The following SH3PXD2B variants were observed in gnomAD, a reference collection of about 807,000 sequenced individuals.
The protein encoded by SH3PXD2B is SH3 and PX domain-containing protein 2B.
A neutral mutation model predicts 73.1 loss-of-function variants in SH3PXD2B; 37 were observed. That is an observed-to-expected ratio of 0.51 (90% CI 0.39 to 0.67). SH3PXD2B has a LOEUF of 0.67. SH3PXD2B is among the 30% of genes least tolerant of loss of function. The pLI, the probability that SH3PXD2B is intolerant of heterozygous loss-of-function variation, is 0.00. For synonymous variants in SH3PXD2B, 457 were observed against 480.5 expected (o/e 0.95, Z 0.64); for missense variants, 1,053 against 1,197.8 (o/e 0.88, Z 1.78).
At chr5:172,427,933 T>C (rs1469952158) in intron 1 of SH3PXD2B, among the ~76,000 whole-genome samples, 1 of 151,914 alleles carries the variant, frequency 6.6e-6, no homozygotes, top group East Asian at 1.9e-4. Flanking sequence ...CCTGCCACCA[T>C]GCTCGGCTAA....
In SH3PXD2B at chr5:172,422,402, C is replaced by T. The variant is rs1306584424; in HGVS notation, c.156+14G>A. 1.9e-6 allele frequency: 3 copies of T among 1,601,676 alleles called. No individual in the cohort carries two copies. Among genetic ancestry groups the T allele is most frequent in the Non-Finnish European group, 2.6e-6 (3 of 1,174,356 alleles). On this transcript the variant is annotated intron_variant, in intron 2 of 12. Coordinates refer to ENST00000311601, the MANE Select transcript of SH3PXD2B (RefSeq NM_001017995.3). ...TTCCGATCCTGCAGCTCACCAGAGA[C>T]CTCAAATCCTTACCTGGAGGTCAAA...
Position 172,400,188 on chromosome 5 carries a change from A to G in SH3PXD2B, c.233-5549T>C, listed in dbSNP as rs188497837. ...AAGGGGGAGTACTGGGAGATACCCC[A>G]TACTTTCAATATAAACCTGAGGAAA... is the stretch of plus-strand genomic sequence containing the variant. On this transcript the variant is annotated intron_variant, in intron 3 of 12. Coordinates refer to ENST00000311601, the MANE Select transcript of SH3PXD2B (RefSeq NM_001017995.3). Among the ~76,000 whole-genome samples, 509 of 152,266 alleles carry G rather than the reference A, an allele frequency of 3.3e-3. 1 individual carries two copies. Among genetic ancestry groups the G allele is most frequent in the African/African-American group, 0.011 (476 of 41,554 alleles).
At chr5:172,341,632 A>C (rs1287524783) in intron 12 of SH3PXD2B, among the ~76,000 whole-genome samples, 1 of 152,090 alleles carries the variant, frequency 6.6e-6, no homozygotes, top group East Asian at 1.9e-4. Context: ...TTCTTTATAA[A>C]TTACCCAGTC....
At chr5:172,327,354 C>G (rs1561883522) in intron 12 of SH3PXD2B, among the ~76,000 whole-genome samples, 1 of 152,064 alleles carries the variant, frequency 6.6e-6, no homozygotes, top group Admixed American at 6.6e-5. Context: ...ATGTCAGAGC[C>G]AGAACTCAAA....
intron 12 of SH3PXD2B, among the ~76,000 whole-genome samples, chr5:172,327,670 T>C (rs1316506718): frequency 6.6e-6 from 1 of 151,960 alleles, no homozygotes; most frequent in Non-Finnish European, 1.5e-5. Flanking sequence ...CTCACTGTAG[T>C]GTCAATCTCC....
intron 11 of SH3PXD2B, 122 bp downstream of exon 11, chr5:172,347,161 G>T: frequency 1.0e-6 from 1 of 972,742 alleles, no homozygotes; most frequent in Non-Finnish European, 1.6e-6. Context: ...TGCTTCACAA[G>T]GCTGTTGTGT....
At chr5:172,447,189 GCA>G (rs1759689067) in intron 1 of SH3PXD2B, among the ~76,000 whole-genome samples, 1 of 151,762 alleles carries the variant, frequency 6.6e-6, no homozygotes, top group Non-Finnish European at 1.5e-5. Flanking sequence ...GCACAGAAAA[GCA>G]CAGACAAGCA....
At chr5:172,398,909 C>T (rs376193663) in intron 3 of SH3PXD2B, among the ~76,000 whole-genome samples, 167 of 152,212 alleles carry the variant, frequency 1.1e-3, no homozygotes, top group African/African-American at 3.6e-3. Flanking sequence ...TTCTGGTTTT[C>T]GCTTCATTAC....
At chr5:172,382,978 T>C (rs1277678666) in intron 4 of SH3PXD2B, among the ~76,000 whole-genome samples, 2 of 151,988 alleles carry the variant, frequency 1.3e-5, no homozygotes, top group Admixed American at 6.6e-5. Context: ...CCTCAAGTGA[T>C]CCACCCACTT....
At chr5:172,346,455 C>T (rs1182606477) in intron 11 of SH3PXD2B, among the ~76,000 whole-genome samples, 194 bp from the exon 12 acceptor site, 2 of 152,078 alleles carry the variant, frequency 1.3e-5, no homozygotes, top group Non-Finnish European at 2.9e-5. Context: ...GGCCCATCAG[C>T]TTTAGGGTGA....
intron 4 of SH3PXD2B, among the ~76,000 whole-genome samples, chr5:172,389,235 TA>T (rs1186827169): frequency 6.6e-6 from 1 of 151,896 alleles, no homozygotes; most frequent in Non-Finnish European, 1.5e-5. Flanking sequence ...TTTATATTTT[TA>T]GTAGAGATGG....
At chr5:172,325,307 C>G in exon 13 of SH3PXD2B, 2 of 1,535,404 alleles carry the variant, frequency 1.3e-6, no homozygotes, top group Non-Finnish European at 1.7e-6. Flanking sequence ...CACGTGCTTC[C>G]CAAGTGCTGT....
Position 172,337,649 on chromosome 5 carries a change from G to A in SH3PXD2B, c.*720C>T. On this transcript the variant is annotated 3_prime_UTR_variant, in exon 13 of 13. Coordinates refer to ENST00000311601, the MANE Select transcript of SH3PXD2B (RefSeq NM_001017995.3). The stretch of plus-strand genomic sequence containing the variant: ...AAAAGCCCTGGAGGGACCGGAGCCT[G>A]CAGCAGCAAAGCGCAGCATACGCGG... 2.0e-6 allele frequency: 2 copies of A among 986,362 alleles called. No homozygotes were observed. Among genetic ancestry groups the A allele is most frequent in the South Asian group, 4.7e-5 (1 of 21,316 alleles). 61.1% of individuals were successfully genotyped at this position (986,362 alleles called of 1,614,324 possible).
chr5:172,392,806 T>G (rs944495905), intron 4 of SH3PXD2B, among the ~76,000 whole-genome samples: 1 of 151,958 alleles, frequency 6.6e-6, no homozygotes, highest in Non-Finnish European at 1.5e-5. Context: ...CAAAAACAAA[T>G]AAACAAACAA....
At position 172,338,893 on chromosome 5, in the gene SH3PXD2B, G is replaced by T. The variant is rs761301784; in HGVS notation, c.2212C>A (p.Pro738Thr). Residue 738 changes from proline (P) to threonine (T), a missense_variant, in exon 13 of 13, where the codon CCT becomes ACT. Transcript: ENST00000311601. The surrounding 1 kb of genome is among the most constrained non-coding windows in gnomAD (Gnocchi z 5.1). ...APPRPAKTTD[P>T]VSKSVPVPLQ... is the part of the protein sequence containing the mutation. ...GGAACAGGCACGCTCTTAGACACAG[G>T]ATCTGTGGTCTTGGCTGGCCTCGGA... 2 of 1,613,932 alleles carry T rather than the reference G, an allele frequency of 1.2e-6. No homozygotes were observed. The highest frequency in any genetic ancestry group is 1.7e-5 in the Admixed American group (1 of 60,026).
chr5:172,402,212 C>G (rs573875646), intron 3 of SH3PXD2B, among the ~76,000 whole-genome samples: 1 of 152,242 alleles, frequency 6.6e-6, no homozygotes, highest in East Asian at 1.9e-4. Context: ...TGAAATAAGC[C>G]CCAGTCTCCT....
intron 2 of SH3PXD2B, among the ~76,000 whole-genome samples, chr5:172,416,696 C>CTTTTTTTT (rs202242720): frequency 3.2e-5 from 2 of 62,260 alleles, no homozygotes; most frequent in Non-Finnish European, 6.1e-5. Context: ...CTCTCTCTCT[C>CTTTTTTTT]TTTTTTTTTT....
chr5:172,379,905 G>A lies in SH3PXD2B; in HGVS notation c.401+2131C>T, dbSNP rs1222641127. 2.0e-5 allele frequency among the ~76,000 whole-genome samples: 3 copies of A among 152,114 alleles called. No individual in the cohort carries two copies. The East Asian group carries it at 5.8e-4, about 29-fold the overall frequency. The stretch of plus-strand genomic sequence containing the variant: ...TTCTATCAAGTGAGCCTCTTGTGTG[G>A]GACTGAGCTTAGGTTCAGACTCAGG... On this transcript the variant is annotated intron_variant, in intron 5 of 12. Transcript: ENST00000311601.
At chr5:172,416,694 CTCTTTTTTTTTTTTTTT>C (rs1393061759) in intron 2 of SH3PXD2B, among the ~76,000 whole-genome samples, 10 of 78,254 alleles carry the variant, frequency 1.3e-4, no homozygotes, top group African/African-American at 4.8e-4. Context: ...CTCTCTCTCT[CTCTTTTTTTTTTTTTTT>C]TTTTTTTTTT....
Sources: allele counts gnomAD v4.1 joint callset (sites outside exome capture counted in the v4.1 genomes callset), GRCh38; gene constraint gnomAD v4.1.1; non-coding constraint Gnocchi (gnomAD v3.1); transcripts MANE v1.5; gene names NCBI Gene and HGNC (gene_info 2026-07-23, HGNC 2026-07-21).